GABRB1: variants seen among roughly 807,000 people sequenced by gnomAD.
GABRB1 encodes the protein gamma-aminobutyric acid receptor subunit beta-1.
A neutral mutation model predicts 51.6 loss-of-function variants in GABRB1; 17 were observed. That is an observed-to-expected ratio of 0.33 (90% CI 0.23 to 0.49). GABRB1 has a LOEUF of 0.49. Among genes scored for constraint, GABRB1 ranks in the 20% least tolerant of loss-of-function variants. The pLI is 0.99. For synonymous variants in GABRB1, 247 were observed against 218.9 expected, an observed-to-expected ratio of 1.13 and a Z score of -1.14; for missense variants, 410 against 600.6, an observed-to-expected ratio of 0.68 and a Z score of 3.32.
chr4:47,032,298 T>TG (rs1384977072), intron 2 of GABRB1, 119 bp from the exon 3 acceptor site: 12 of 944,376 alleles, frequency 1.3e-5, no homozygotes, highest in South Asian at 1.2e-4. Context: ...AAAGGGGTGG[T>TG]GGGGGGAGCA....
chr4:47,078,333 G>A (rs1291196606), intron 3 of GABRB1, among the ~76,000 whole-genome samples: 1 of 152,018 alleles, frequency 6.6e-6, no homozygotes. Flanking sequence ...ACAGATGCCT[G>A]ACTAAGCACA....
intron 3 of GABRB1, among the ~76,000 whole-genome samples, chr4:47,095,550 G>A (rs1714379451): frequency 6.6e-6 from 1 of 152,214 alleles, no homozygotes; most frequent in African/African-American, 2.4e-5. Flanking sequence ...TACAGCCTTG[G>A]TGAGGCCTGG....
chr4:47,409,107 T>A (rs906545991), intron 8 of GABRB1, among the ~76,000 whole-genome samples: 1 of 152,098 alleles, frequency 6.6e-6, no homozygotes, highest in Non-Finnish European at 1.5e-5. Context: ...GACGGGCAGG[T>A]GTGGGAGCCG....
intron 8 of GABRB1, among the ~76,000 whole-genome samples, chr4:47,424,922 C>T (rs1262997608): frequency 6.6e-6 from 1 of 152,136 alleles, no homozygotes; most frequent in African/African-American, 2.4e-5. Flanking sequence ...AGTAGAGGAA[C>T]AAAAGTCAAA....
At chr4:47,282,046 A>G (rs1004254035) in intron 4 of GABRB1, among the ~76,000 whole-genome samples, 15 of 150,800 alleles carry the variant, frequency 9.9e-5, no homozygotes, top group African/African-American at 2.9e-4. Context: ...TAATGTTCTC[A>G]TCATTAAAAA....
At chr4:47,025,385 C>T (rs932511165) in intron 1 of GABRB1, among the ~76,000 whole-genome samples, 3 of 151,910 alleles carry the variant, frequency 2.0e-5, no homozygotes, top group African/African-American at 7.2e-5. Flanking sequence ...GTTCCCTTTT[C>T]TGCATCCATG....
intron 5 of GABRB1, among the ~76,000 whole-genome samples, chr4:47,367,292 G>T (rs925861224): frequency 3.9e-5 from 6 of 152,160 alleles, no homozygotes; most frequent in Non-Finnish European, 8.8e-5. Context: ...TAGCTTAGAA[G>T]TCCCTGCTTA....
intron 3 of GABRB1, among the ~76,000 whole-genome samples, chr4:47,054,008 A>G (rs907418087): frequency 1.3e-5 from 2 of 152,138 alleles, no homozygotes; most frequent in African/African-American, 2.4e-5. Flanking sequence ...CTATCCTTTA[A>G]TAATTTCTTT....
chr4:47,378,435 C>A (rs1191468031), intron 5 of GABRB1, among the ~76,000 whole-genome samples: 4 of 152,206 alleles, frequency 2.6e-5, no homozygotes, highest in African/African-American at 7.2e-5. Flanking sequence ...CCACACCTCT[C>A]CCTCCACACC....
At chr4:47,223,939 C>T (rs1720856877) in intron 4 of GABRB1, among the ~76,000 whole-genome samples, 1 of 152,104 alleles carries the variant, frequency 6.6e-6, no homozygotes, top group African/African-American at 2.4e-5. Context: ...AATCACTACC[C>T]TCTACTTTTG....
intron 5 of GABRB1, among the ~76,000 whole-genome samples, chr4:47,354,992 T>TTTTTTTG (rs1726508462): frequency 7.4e-6 from 1 of 135,824 alleles, no homozygotes; most frequent in Non-Finnish European, 1.6e-5. Flanking sequence ...TTTTTTTTTT[T>TTTTTTTG]TTTTTTTTTT....
chr4:47,201,260 T>C (rs1367941258), intron 4 of GABRB1, among the ~76,000 whole-genome samples: 1 of 152,094 alleles, frequency 6.6e-6, no homozygotes, highest in Non-Finnish European at 1.5e-5. Context: ...TCCAAAAATT[T>C]TGAATAAGAA....
intron 4 of GABRB1, among the ~76,000 whole-genome samples, chr4:47,263,622 G>A (rs1722536376): frequency 6.6e-6 from 1 of 152,040 alleles, no homozygotes; most frequent in South Asian, 2.1e-4. Flanking sequence ...AATGATAGAG[G>A]AGAAATAAAA....
At chr4:47,398,442 C>G (rs1362970537) in intron 5 of GABRB1, among the ~76,000 whole-genome samples, 1 of 152,202 alleles carries the variant, frequency 6.6e-6, no homozygotes, top group Non-Finnish European at 1.5e-5. Flanking sequence ...TAGACACTCT[C>G]ATCTTCTCCT....
intron 3 of GABRB1, among the ~76,000 whole-genome samples, chr4:47,056,817 T>C (rs1278033320): frequency 6.6e-6 from 1 of 152,028 alleles, no homozygotes; most frequent in African/African-American, 2.4e-5. Context: ...ATCTATAAGA[T>C]CATAAGGTGG....
chr4:47,268,307 G>A (rs1722721351), intron 4 of GABRB1, among the ~76,000 whole-genome samples: 1 of 152,156 alleles, frequency 6.6e-6, no homozygotes, highest in Non-Finnish European at 1.5e-5. Context: ...CCCTGTTGAT[G>A]TCAGAAAATT....
chr4:47,002,516 T>A (rs972220422), intron 1 of GABRB1, among the ~76,000 whole-genome samples: 1 of 152,178 alleles, frequency 6.6e-6, no homozygotes, highest in Non-Finnish European at 1.5e-5. Context: ...AATATTTTAG[T>A]CTTTCAAATG....
intron 3 of GABRB1, among the ~76,000 whole-genome samples, chr4:47,079,254 G>T (rs534402026): frequency 7.8e-4 from 118 of 151,952 alleles, no homozygotes; most frequent in African/African-American, 2.8e-3. Context: ...GACTTTTTTT[G>T]GTTGGTAAGC....
At chr4:47,186,941 C>T (rs943367859) in intron 4 of GABRB1, among the ~76,000 whole-genome samples, 2 of 151,824 alleles carry the variant, frequency 1.3e-5, no homozygotes, top group Non-Finnish European at 2.9e-5. Flanking sequence ...TGTTACATTC[C>T]TCCAGAAATC....
Sources: gnomAD v4.1 joint callset for allele counts (sites outside exome capture counted in the v4.1 genomes callset) on GRCh38, gnomAD v4.1.1 for gene constraint, MANE v1.5 for transcripts, NCBI Gene and HGNC (gene_info 2026-07-23, HGNC 2026-07-21) for gene names.